The following RALGAPA2 variants were observed in gnomAD, a reference collection of about 807,000 sequenced individuals.
RALGAPA2 encodes the protein ral GTPase-activating protein subunit alpha-2.
Under a neutral mutation model 230.4 loss-of-function variants are expected in RALGAPA2, and 139 were observed. The observed-to-expected ratio is 0.60, with a 90% confidence interval of 0.53 to 0.69. The LOEUF is 0.69. Ranked by LOEUF, RALGAPA2 falls within the 30% of genes least tolerant of loss-of-function variation. The pLI is 0.00. For missense variants in RALGAPA2, 2,163 were observed against 2,276.0 expected (o/e 0.95, Z 1.01); for synonymous variants, 847 against 837.8 (o/e 1.01, Z -0.19).
At chr20:20,709,126 C>A (rs1195195789) in intron 1 of RALGAPA2, among the ~76,000 whole-genome samples, 1 of 151,946 alleles carries the variant, frequency 6.6e-6, no homozygotes, top group Admixed American at 6.6e-5. Context: ...CAAGACCAGC[C>A]TGGCCAACAC....
At chr20:20,687,796 A>G (rs145546569) in intron 1 of RALGAPA2, among the ~76,000 whole-genome samples, 114 of 152,336 alleles carry the variant, frequency 7.5e-4, no homozygotes, top group African/African-American at 2.5e-3. Flanking sequence ...CAGCAAACCT[A>G]TGAAGAGATA....
chr20:20,423,738 T>C (rs1602326852), intron 37 of RALGAPA2, among the ~76,000 whole-genome samples: 1 of 152,224 alleles, frequency 6.6e-6, no homozygotes, highest in South Asian at 2.1e-4. Context: ...AAATGAATCA[T>C]TGAAAGTAAA....
intron 13 of RALGAPA2, among the ~76,000 whole-genome samples, chr20:20,613,847 C>T (rs969098619): frequency 9.2e-5 from 14 of 152,132 alleles, no homozygotes; most frequent in Admixed American, 6.5e-5. Flanking sequence ...AAAAACTCCC[C>T]GTCTGTCCAT....
At chr20:20,526,012 C>T (rs1413947661) in intron 28 of RALGAPA2, among the ~76,000 whole-genome samples, 1 of 152,126 alleles carries the variant, frequency 6.6e-6, no homozygotes, top group Non-Finnish European at 1.5e-5. Flanking sequence ...TTGTTGTGGT[C>T]GTGCCTGCCT....
chr20:20,620,715 T>C, intron 10 of RALGAPA2, 85 bp from the exon 11 acceptor site: 1 of 1,142,604 alleles, frequency 8.8e-7, no homozygotes, highest in African/African-American at 1.6e-5. Context: ...CCAATGAGCA[T>C]CACCCATTTC....
intron 1 of RALGAPA2, among the ~76,000 whole-genome samples, chr20:20,698,272 G>T (rs1406253923): frequency 1.3e-5 from 2 of 149,828 alleles, no homozygotes. Context: ...ACTTTTAAAT[G>T]ATTTTTTTTT....
chr20:20,485,406 T>C (rs144276587), intron 36 of RALGAPA2, among the ~76,000 whole-genome samples: 8 of 152,350 alleles, frequency 5.3e-5, no homozygotes, highest in African/African-American at 1.9e-4. Flanking sequence ...ACATAAATAG[T>C]TGGGTCTTGG....
At chr20:20,401,114 T>A (rs1293691471) in intron 38 of RALGAPA2, among the ~76,000 whole-genome samples, 1 of 152,228 alleles carries the variant, frequency 6.6e-6, no homozygotes, top group African/African-American at 2.4e-5. Context: ...AATGGTTGCA[T>A]AACCTAATGA....
chr20:20,546,888 A>G, intron 23 of RALGAPA2, 56 bp from the exon 24 acceptor site: 1 of 1,507,372 alleles, frequency 6.6e-7, no homozygotes, highest in Non-Finnish European at 8.9e-7. Context: ...AAAATTCCAA[A>G]GTAGTGTTTG....
chr20:20,445,352 G>A (rs1395733445), intron 37 of RALGAPA2, among the ~76,000 whole-genome samples: 1 of 152,196 alleles, frequency 6.6e-6, no homozygotes, highest in Admixed American at 6.5e-5. Context: ...ATTTTGCATG[G>A]CAGAAAGGCA....
intron 2 of RALGAPA2, 141 bp downstream of exon 2, chr20:20,680,550 C>A: frequency 8.1e-7 from 1 of 1,231,660 alleles, no homozygotes; most frequent in Non-Finnish European, 1.1e-6. Context: ...AAAGATGCCA[C>A]CCTGTCCACC....
At chr20:20,674,795 C>A (rs2068259981) in intron 3 of RALGAPA2, among the ~76,000 whole-genome samples, 2 of 152,082 alleles carry the variant, frequency 1.3e-5, no homozygotes, top group Admixed American at 1.3e-4. Context: ...CAAAACCACA[C>A]AAGAAATTAT....
chr20:20,685,126 TAA>T (rs78864409), intron 1 of RALGAPA2, among the ~76,000 whole-genome samples: 20 of 141,716 alleles, frequency 1.4e-4, no homozygotes, highest in Admixed American at 1.4e-4. Flanking sequence ...TTTGCTCAAT[TAA>T]AAAAAAAAAA....
intron 3 of RALGAPA2, among the ~76,000 whole-genome samples, chr20:20,656,760 A>G (rs374651413): frequency 6.6e-6 from 1 of 152,228 alleles, no homozygotes; most frequent in South Asian, 2.1e-4. Context: ...CCATGGGCAC[A>G]TAGGATCAAG....
intron 37 of RALGAPA2, among the ~76,000 whole-genome samples, chr20:20,470,495 G>A (rs750671529): frequency 1.3e-5 from 2 of 152,132 alleles, no homozygotes; most frequent in Non-Finnish European, 2.9e-5. Flanking sequence ...CTGATGTCAG[G>A]TGCAATAAGT....
chr20:20,637,222 T>C, intron 8 of RALGAPA2, 141 bp downstream of exon 8: 3 of 692,652 alleles, frequency 4.3e-6, no homozygotes, highest in Non-Finnish European at 4.2e-6. Flanking sequence ...ATTAAGAAAC[T>C]TTAAACATTT....
At chr20:20,636,734 G>A (rs896977899) in intron 8 of RALGAPA2, among the ~76,000 whole-genome samples, 5 of 152,152 alleles carry the variant, frequency 3.3e-5, no homozygotes, top group Admixed American at 3.3e-4. Context: ...AATAGGGAGA[G>A]GAAGATTTGA....
At chr20:20,593,118 T>C (rs1405095878) in intron 16 of RALGAPA2, among the ~76,000 whole-genome samples, 1 of 152,192 alleles carries the variant, frequency 6.6e-6, no homozygotes, top group Non-Finnish European at 1.5e-5. Context: ...GGTTTTGCCA[T>C]GTTGCCTAGG....
chr20:20,427,774 A>C (rs535363990), intron 37 of RALGAPA2, among the ~76,000 whole-genome samples: 4 of 117,442 alleles, frequency 3.4e-5, no homozygotes, highest in African/African-American at 1.4e-4. Context: ...GGATTGTGCA[A>C]GGGAAAAAAG....
Sources: gnomAD v4.1 joint callset for allele counts (sites outside exome capture counted in the v4.1 genomes callset) on GRCh38, gnomAD v4.1.1 for gene constraint, MANE v1.5 for transcripts, NCBI Gene and HGNC (gene_info 2026-07-23, HGNC 2026-07-21) for gene names.